The following CHST15 variants were observed in gnomAD, a reference collection of about 807,000 sequenced individuals.
CHST15 encodes the protein carbohydrate sulfotransferase 15, also known as B cell RAG associated protein (GALNAC4S-6ST).
CHST15 carries 30 observed loss-of-function variants against 53.6 expected under a neutral mutation model. The observed-to-expected ratio is 0.56, with a 90% CI of 0.42 to 0.76. The LOEUF (loss-of-function observed/expected upper bound fraction) is 0.76, where lower values mean the gene tolerates loss of function less well. Among genes scored for constraint, CHST15 ranks in the 30% least tolerant of loss-of-function variants. The pLI is 0.00. For synonymous variants in CHST15, 296 were observed against 289.8 expected (o/e 1.02, Z -0.22); for missense variants, 627 against 740.5 (o/e 0.85, Z 1.78).
At chr10:124,042,498 G>C in intron 3 of CHST15, 51 bp from the exon 4 acceptor site, 3 of 1,592,150 alleles carry the variant, frequency 1.9e-6, no homozygotes. Flanking sequence ...GCTACTGCTG[G>C]AGCGATGGCC....
In CHST15 at chr10:124,077,464, C is replaced by T. The variant is rs57675446; in HGVS notation, c.-513+16005G>A. Among the ~76,000 whole-genome samples the T allele has an allele frequency of 5.5e-3, 832 of 152,256 alleles. 5 individuals are homozygous for T. Among genetic ancestry groups the T allele is most frequent in the African/African-American group, 0.019 (780 of 41,544 alleles). On this transcript the variant is annotated intron_variant, in intron 1 of 7. Coordinates refer to ENST00000435907, the MANE Select transcript of CHST15 (RefSeq NM_001270764.2). ...CCAGACCATCCCTGAGGCACTCAAG[C>T]GGAGGCCTTGTCTGTCAAATTTACG... is the stretch of plus-strand genomic sequence containing the variant.
rs138125007 is a variant in CHST15 at position 124,066,828 on chromosome 10, C to T, written c.-512-20104G>A. 1.9e-3 allele frequency among the ~76,000 whole-genome samples: 292 copies of T among 152,346 alleles called. 1 individual carries two copies. The highest frequency in any genetic ancestry group is 6.5e-3 in the African/African-American group (272 of 41,582). ...CAGCTCATTTCCTGGGCTGCGTCTC[C>T]CTGTTCCCCTGAGCAACCAAGCCCA... On this transcript the variant is annotated intron_variant, in intron 1 of 7. Transcript: ENST00000435907.
intron 3 of CHST15, 43 bp downstream of exon 3, chr10:124,044,537 G>A (rs766050086): frequency 1.4e-6 from 2 of 1,423,078 alleles, no homozygotes; most frequent in Admixed American, 2.8e-5. Flanking sequence ...ATGAACGAAT[G>A]AAGGAACGAG....
chr10:124,024,256 C>G lies in CHST15; in HGVS notation c.1191-2844G>C, dbSNP rs186550319. ...AATGCGCCTTCTCCACTGCCCTCCC[C>G]TCTAATTGAGGTCATGATATGAGGA... On this transcript the variant is annotated intron_variant, in intron 5 of 7. Coordinates refer to ENST00000435907, the MANE Select transcript of CHST15 (RefSeq NM_001270764.2). The surrounding 1 kb of genome is among the most constrained non-coding windows in gnomAD (Gnocchi z 4.0). Among the ~76,000 whole-genome samples the G allele has an allele frequency of 6.6e-6, 1 of 152,240 alleles. No homozygotes were observed. Among genetic ancestry groups the G allele is most frequent in the Admixed American group, 6.5e-5 (1 of 15,290 alleles).
chr10:124,009,376 G>A lies in CHST15; in HGVS notation c.*773C>T, dbSNP rs368206772. 28 of 1,011,092 alleles carry A rather than the reference G, an allele frequency of 2.8e-5. No homozygotes were observed. In the East Asian group the frequency reaches 9.7e-4, roughly 35 times the overall value. 62.6% of individuals were successfully genotyped at this position (1,011,092 alleles called of 1,614,324 possible). A position where few individuals can be genotyped will look rare whatever the true frequency, so the allele number is the denominator to read the frequency against. On this transcript the variant is annotated 3_prime_UTR_variant, in exon 8 of 8. Transcript: ENST00000435907. ...TGCAGAAAGTGGTTTTGTTTTAAACGCATTCATTTTCTATGTTAAACATAA... is the reference window on the plus strand; with the variant it reads ...TGCAGAAAGTGGTTTTGTTTTAAACACATTCATTTTCTATGTTAAACATAA...
intron 1 of CHST15, among the ~76,000 whole-genome samples, chr10:124,070,626 G>A (rs190991353): frequency 1.3e-5 from 2 of 152,154 alleles, no homozygotes; most frequent in East Asian, 1.9e-4. Flanking sequence ...CTGTCTGGCC[G>A]GGGCCTCCTA....
At chr10:124,070,054 G>A (rs1375056397) in intron 1 of CHST15, among the ~76,000 whole-genome samples, 1 of 152,200 alleles carries the variant, frequency 6.6e-6, no homozygotes, top group Non-Finnish European at 1.5e-5. Flanking sequence ...AAATGATATA[G>A]CCTGGCTGTG....
Position 124,021,235 on chromosome 10 carries a change from ACG to A in CHST15, c.1347+19_1347+20del, listed in dbSNP as rs1946770465. The A allele has an allele frequency of 3.3e-5, 8 of 242,734 alleles. No individual in the cohort carries two copies. Among genetic ancestry groups the A allele is most frequent in the Non-Finnish European group, 5.1e-5 (7 of 136,066 alleles). The allele number at this position is 242,734 out of a possible 1,614,324, so 15.0% of individuals were successfully genotyped here. On this transcript the variant is annotated intron_variant, in intron 6 of 7. Transcript: ENST00000435907. Reference sequence around the variant, plus strand: ...TCTGCCAGGGGCCAGCTCGGGGGGTACGGGGGGGGGGGGTACACACAGGCATG... The same window carrying A: ...TCTGCCAGGGGCCAGCTCGGGGGGTAGGGGGGGGGGGTACACACAGGCATG...
At chr10:124,013,621 A>T (rs1946488275) in intron 6 of CHST15, among the ~76,000 whole-genome samples, 1 of 152,136 alleles carries the variant, frequency 6.6e-6, no homozygotes, top group African/African-American at 2.4e-5. Context: ...TGGGTTGGAG[A>T]ATATCTCTCC....
chr10:124,074,213 G>GC lies in CHST15; in HGVS notation c.-513+19255dup, dbSNP rs1949008571. On this transcript the variant is annotated intron_variant, in intron 1 of 7. Transcript: ENST00000435907. The surrounding 1 kb of genome is among the most constrained non-coding windows in gnomAD (Gnocchi z 4.4). ...TCCACTTCATTTCTGCAGGGCCAGT[G>GC]CCCCCCGGCTGGGAAAGACACCGAA... Among the ~76,000 whole-genome samples the GC allele has an allele frequency of 1.3e-5, 2 of 152,108 alleles. No individual in the cohort carries two copies. The highest frequency in any genetic ancestry group is 6.5e-5 in the Admixed American group (1 of 15,274).
At chr10:124,032,807 T>C (rs116149788) in intron 5 of CHST15, among the ~76,000 whole-genome samples, 1,342 of 84,362 alleles carry the variant, frequency 0.016, 22 homozygotes, top group African/African-American at 0.071. Context: ...TCTGTTCTCC[T>C]CCAGAAAAAA....
intron 2 of CHST15, among the ~76,000 whole-genome samples, chr10:124,045,130 A>AAACAAC (rs1564882203): frequency 6.7e-6 from 1 of 148,900 alleles, no homozygotes; most frequent in African/African-American, 2.5e-5. Context: ...AAAAAAAAAA[A>AAACAAC]AAAAAAAAAA....
intron 1 of CHST15, among the ~76,000 whole-genome samples, chr10:124,093,117 G>A (rs1038859320): frequency 6.6e-6 from 1 of 152,272 alleles, no homozygotes; most frequent in Non-Finnish European, 1.5e-5. Flanking sequence ...CCCGGAGCGC[G>A]GCCAGGACCA....
At chr10:124,077,739 T>G (rs1260144755) in intron 1 of CHST15, among the ~76,000 whole-genome samples, 2 of 152,198 alleles carry the variant, frequency 1.3e-5, no homozygotes, top group African/African-American at 2.4e-5. Context: ...CGCATCTCGT[T>G]CCGGTGGCAT....
rs538740219 is a variant in CHST15, at chr10:124,036,850, T to A, written c.1190+1665A>T. On this transcript the variant is annotated intron_variant, in intron 5 of 7. Transcript: ENST00000435907. The surrounding 1 kb of genome is among the most constrained non-coding windows in gnomAD (Gnocchi z 5.1). ...GCAAATACGTGGGGCCAGGAAGGTA[T>A]GCCACCTGAAGAAGGGGTCCCAGGG... Among the ~76,000 whole-genome samples the A allele has an allele frequency of 6.6e-6, 1 of 152,330 alleles. No individual in the cohort carries two copies. The highest frequency in any genetic ancestry group is 2.1e-4 in the South Asian group (1 of 4,828).
intron 1 of CHST15, among the ~76,000 whole-genome samples, chr10:124,054,691 A>G (rs1216440436): frequency 2.6e-5 from 4 of 152,158 alleles, no homozygotes; most frequent in Non-Finnish European, 4.4e-5. Context: ...AACGAATTTA[A>G]CCATTCTGTG....
chr10:124,025,737 C>G (rs1270788424), intron 5 of CHST15, among the ~76,000 whole-genome samples: 1 of 151,942 alleles, frequency 6.6e-6, no homozygotes, highest in Non-Finnish European at 1.5e-5. Flanking sequence ...TACGGTGGTC[C>G]CAAATCCAAT....
chr10:124,030,190 C>T (rs1947172627), intron 5 of CHST15, among the ~76,000 whole-genome samples: 1 of 152,162 alleles, frequency 6.6e-6, no homozygotes, highest in Non-Finnish European at 1.5e-5. Context: ...TCACAAAGAC[C>T]CGAGCTGTCC....
At chr10:124,041,430 C>T (rs1159050113) in intron 4 of CHST15, among the ~76,000 whole-genome samples, 1 of 152,132 alleles carries the variant, frequency 6.6e-6, no homozygotes, top group Non-Finnish European at 1.5e-5. Context: ...AATAACAAGT[C>T]TAGAGATCTA....
Sources: gnomAD v4.1 joint callset for allele counts (sites outside exome capture counted in the v4.1 genomes callset) on GRCh38, gnomAD v4.1.1 for gene constraint, Gnocchi (gnomAD v3.1) non-coding constraint, MANE v1.5 for transcripts, NCBI Gene and HGNC (gene_info 2026-07-23, HGNC 2026-07-21) for gene names.